Variants in SNX30 observed in about 807,000 individuals in gnomAD.
SNX30 encodes the protein sorting nexin-30.
SNX30 carries 24 observed loss-of-function variants against 46.4 expected under a neutral mutation model. The ratio of observed to expected loss-of-function variants is 0.52; its 90% CI spans 0.37 to 0.73. The LOEUF (loss-of-function observed/expected upper bound fraction) is 0.73. Among genes scored for constraint, SNX30 ranks in the 30% least tolerant of loss-of-function variants. The pLI, the probability that SNX30 is intolerant of heterozygous loss-of-function variation, is 0.00. For missense variants in SNX30, 533 were observed against 555.7 expected, an observed-to-expected ratio of 0.96 and a Z score of 0.41; for synonymous variants, 189 against 211.5, an observed-to-expected ratio of 0.89 and a Z score of 0.92.
At chr9:112,858,887 C>T (rs988067830) in intron 7 of SNX30, among the ~76,000 whole-genome samples, 13 of 152,140 alleles carry the variant, frequency 8.5e-5, no homozygotes, top group African/African-American at 3.1e-4. Context: ...GGCCCTGCCT[C>T]CCTCAGCCCC....
intron 8 of SNX30, among the ~76,000 whole-genome samples, chr9:112,864,638 C>G (rs4979170): frequency 0.89 from 134,942 of 152,198 alleles, 59,943 homozygotes; most frequent in South Asian, 0.92. Flanking sequence ...GCAGCCCATT[C>G]GTCTTCCATG....
chr9:112,867,907 T>G (rs989667734), intron 8 of SNX30, among the ~76,000 whole-genome samples: 1 of 152,260 alleles, frequency 6.6e-6, no homozygotes, highest in African/African-American at 2.4e-5. Flanking sequence ...TGTGATTAAC[T>G]TGCCCTCTTT....
chr9:112,762,551 T>G (rs1839458638), intron 1 of SNX30, among the ~76,000 whole-genome samples: 1 of 152,176 alleles, frequency 6.6e-6, no homozygotes, highest in African/African-American at 2.4e-5. Flanking sequence ...GGCAAGTTTC[T>G]TAACCTTGTA....
chr9:112,771,336 G>A (rs2131364621), intron 1 of SNX30, among the ~76,000 whole-genome samples: 1 of 152,298 alleles, frequency 6.6e-6, no homozygotes, highest in South Asian at 2.1e-4. Context: ...AGCTTATATG[G>A]CTATTAGTAG....
chr9:112,793,097 C>T (rs1840052854), intron 1 of SNX30, among the ~76,000 whole-genome samples: 10 of 152,170 alleles, frequency 6.6e-5, no homozygotes, highest in Admixed American at 6.5e-4. Flanking sequence ...ATAATTCAGA[C>T]CTGCTATTTG....
At chr9:112,770,426 C>T (rs1839630330) in intron 1 of SNX30, among the ~76,000 whole-genome samples, 1 of 151,906 alleles carries the variant, frequency 6.6e-6, no homozygotes. Flanking sequence ...CCACCTCGTC[C>T]CCCCAAAGTG....
At chr9:112,823,496 G>T (rs551162812) in intron 3 of SNX30, among the ~76,000 whole-genome samples, 11 of 152,194 alleles carry the variant, frequency 7.2e-5, no homozygotes, top group Non-Finnish European at 1.5e-4. Context: ...TAGTTACACA[G>T]CAGAGCAATT....
chr9:112,845,679 C>T (rs898051933), intron 6 of SNX30, among the ~76,000 whole-genome samples: 6 of 152,266 alleles, frequency 3.9e-5, no homozygotes, highest in Middle Eastern at 6.8e-3. Flanking sequence ...AAAATCTGGA[C>T]GGGCCAAGAG....
intron 1 of SNX30, among the ~76,000 whole-genome samples, chr9:112,765,541 A>G (rs1399764539): frequency 1.3e-5 from 2 of 152,294 alleles, no homozygotes; most frequent in South Asian, 2.1e-4. Flanking sequence ...ATGGAATCAT[A>G]CAATATGTGT....
intron 2 of SNX30, 100 bp from the exon 3 acceptor site, chr9:112,817,605 G>A: frequency 1.4e-6 from 1 of 691,108 alleles, no homozygotes; most frequent in Non-Finnish European, 2.6e-6. Context: ...AGGAAAATAT[G>A]ATCTTGCCTA....
chr9:112,878,701 G>A (rs1183145310), downstream of SNX30: 2 of 152,254 alleles, frequency 1.3e-5, no homozygotes, highest in African/African-American at 4.8e-5. Context: ...ACAGTCACGT[G>A]CTATTCTTTC....
intron 1 of SNX30, among the ~76,000 whole-genome samples, chr9:112,781,962 A>AT (rs1431837149): frequency 6.6e-6 from 1 of 152,096 alleles, no homozygotes; most frequent in African/African-American, 2.4e-5. Context: ...TTTAAAAGTG[A>AT]TTTTTACATT....
chr9:112,817,918 G>A, intron 3 of SNX30, 103 bp downstream of exon 3: 1 of 746,702 alleles, frequency 1.3e-6, no homozygotes, highest in Non-Finnish European at 2.4e-6. Context: ...GACTCACCCA[G>A]CAAACATATA....
chr9:112,805,224 T>A (rs913845508), intron 2 of SNX30, among the ~76,000 whole-genome samples: 1 of 796 alleles, frequency 1.3e-3, no homozygotes, highest in African/African-American at 0.021. Context: ...TTGCGCTTAT[T>A]TTTTTTTTTA....
At chr9:112,878,775 C>A (rs1472940435), downstream of SNX30, 2 of 152,182 alleles carry the variant, frequency 1.3e-5, no homozygotes, top group African/African-American at 4.8e-5. Flanking sequence ...TTTGTTCATT[C>A]CCTGCAAGAG....
intron 2 of SNX30, among the ~76,000 whole-genome samples, chr9:112,809,349 G>A (rs1309423470): frequency 6.6e-6 from 1 of 151,902 alleles, no homozygotes; most frequent in Non-Finnish European, 1.5e-5. Flanking sequence ...CAAAGTGCTG[G>A]GATTACAGGC....
chr9:112,824,273 C>CT (rs1401991023), intron 3 of SNX30, among the ~76,000 whole-genome samples: 1 of 152,128 alleles, frequency 6.6e-6, no homozygotes, highest in African/African-American at 2.4e-5. Flanking sequence ...TATCTAATAT[C>CT]AGTATTTCAA....
At chr9:112,774,990 G>A (rs1204514224) in intron 1 of SNX30, among the ~76,000 whole-genome samples, 3 of 150,896 alleles carry the variant, frequency 2.0e-5, no homozygotes, top group African/African-American at 2.4e-5. Flanking sequence ...AATTACAGAC[G>A]TGTGCCACCA....
In SNX30 at chr9:112,830,805, G is replaced by A; in HGVS notation, c.540G>A (p.Leu180=). 1.2e-6 allele frequency: 2 copies of A among 1,613,710 alleles called. No homozygotes were observed. Among genetic ancestry groups the A allele is most frequent in the Non-Finnish European group, 1.7e-6 (2 of 1,179,888 alleles). The change falls in exon 4 of 9, where the codon TTG becomes TTA. Residue 180 remains leucine (L), a synonymous_variant. Coordinates refer to ENST00000374232, the MANE Select transcript of SNX30 (RefSeq NM_001012994.2). ...EEFVETRRKA[L]DKFLKRITDH... ...TTGTGGAGACCAGAAGAAAAGCTTTGGATAAATTTCTAAAAAGAATTACGG... is the reference window on the plus strand; with the variant it reads ...TTGTGGAGACCAGAAGAAAAGCTTTAGATAAATTTCTAAAAAGAATTACGG...
Sources: gnomAD v4.1 joint callset for allele counts (sites outside exome capture counted in the v4.1 genomes callset) on GRCh38, gnomAD v4.1.1 for gene constraint, MANE v1.5 for transcripts, NCBI Gene and HGNC (gene_info 2026-07-23, HGNC 2026-07-21) for gene names.